The following NKAIN3 variants were observed in gnomAD, a reference collection of about 807,000 sequenced individuals.
The protein encoded by NKAIN3 is sodium/potassium transporting ATPase interacting 3.
NKAIN3 carries 25 observed loss-of-function variants against 30.2 expected under a neutral mutation model. That is an observed-to-expected ratio of 0.83 (90% CI 0.60 to 1.16). The LOEUF is 1.16. Ranked by LOEUF, NKAIN3 falls within the 50% of genes most tolerant of loss-of-function variation. NKAIN3 has a pLI of 0.00. For missense variants in NKAIN3, 225 were observed against 254.1 expected (o/e 0.89, Z 0.78); for synonymous variants, 91 against 89.6 (o/e 1.02, Z -0.09).
intron 1 of NKAIN3, among the ~76,000 whole-genome samples, chr8:62,539,452 C>A (rs1808770933): frequency 6.6e-6 from 1 of 152,056 alleles, no homozygotes; most frequent in Non-Finnish European, 1.5e-5. Flanking sequence ...TTGTTATAGA[C>A]TCTTCCTATA....
intron 3 of NKAIN3, among the ~76,000 whole-genome samples, chr8:62,692,196 C>A (rs1485846256): frequency 6.6e-6 from 1 of 151,968 alleles, no homozygotes; most frequent in Admixed American, 6.6e-5. Context: ...AGAAGCCAGC[C>A]CAGATTCAGG....
chr8:62,272,451 C>G (rs997427861), intron 1 of NKAIN3, among the ~76,000 whole-genome samples: 32 of 152,308 alleles, frequency 2.1e-4, no homozygotes, highest in Non-Finnish European at 1.0e-4. Flanking sequence ...CAGTGAGTCT[C>G]TCTCTGGGTT....
chr8:62,759,261 G>A (rs947383261), intron 4 of NKAIN3, among the ~76,000 whole-genome samples: 1 of 152,012 alleles, frequency 6.6e-6, no homozygotes, highest in Non-Finnish European at 1.5e-5. Flanking sequence ...TCTAAATAAA[G>A]GATTAGTCTT....
intron 3 of NKAIN3, among the ~76,000 whole-genome samples, chr8:62,603,516 T>A (rs1469790995): frequency 3.9e-5 from 6 of 152,072 alleles, no homozygotes; most frequent in Non-Finnish European, 5.9e-5. Context: ...CGGATAAAAT[T>A]TTTCCATGTA....
intron 5 of NKAIN3, among the ~76,000 whole-genome samples, chr8:62,928,053 G>C (rs557524568): frequency 6.6e-6 from 1 of 152,130 alleles, no homozygotes; most frequent in Non-Finnish European, 1.5e-5. Context: ...TCTAGACTAT[G>C]TACTTTACTA....
At chr8:62,504,971 A>T (rs1348139707) in intron 1 of NKAIN3, among the ~76,000 whole-genome samples, 1 of 152,160 alleles carries the variant, frequency 6.6e-6, no homozygotes, top group Non-Finnish European at 1.5e-5. Flanking sequence ...TTTTGTTCCT[A>T]TAACACTTAC....
chr8:62,874,470 G>A (rs1436128953), intron 4 of NKAIN3, among the ~76,000 whole-genome samples: 1 of 152,204 alleles, frequency 6.6e-6, no homozygotes, highest in African/African-American at 2.4e-5. Flanking sequence ...ATTTTATGAA[G>A]CCAGTATCAT....
chr8:62,796,833 C>T (rs1817877956), intron 4 of NKAIN3, among the ~76,000 whole-genome samples: 1 of 136,602 alleles, frequency 7.3e-6, no homozygotes, highest in Non-Finnish European at 1.7e-5. Flanking sequence ...CATGAACACA[C>T]ATTGAGCTTA....
rs80060483 is a variant in NKAIN3 at position 62,472,062 on chromosome 8, C to G, written c.55-107477C>G. On this transcript the variant is annotated intron_variant, in intron 1 of 6. Transcript: ENST00000623646. ...AAAAAAAAGTCTTCAGCTCACTGAA[C>G]TCACTGGGGTGAAAGGGAGCTGGAG... 2.6e-4 allele frequency among the ~76,000 whole-genome samples: 39 copies of G among 149,892 alleles called. No homozygotes were observed. In the East Asian group the frequency reaches 7.1e-3, roughly 27 times the overall value.
At chr8:62,563,263 A>G (rs1809645846) in intron 1 of NKAIN3, among the ~76,000 whole-genome samples, 1 of 152,154 alleles carries the variant, frequency 6.6e-6, no homozygotes. Flanking sequence ...GTTTTGGGAC[A>G]ATTTTTGGCA....
chr8:62,940,645 T>C (rs1229260146), intron 5 of NKAIN3, among the ~76,000 whole-genome samples: 2 of 152,066 alleles, frequency 1.3e-5, no homozygotes, highest in African/African-American at 4.8e-5. Flanking sequence ...ATATAGAAAT[T>C]AAATAATCTG....
At chr8:62,492,724 A>G (rs976009066) in intron 1 of NKAIN3, among the ~76,000 whole-genome samples, 1 of 152,132 alleles carries the variant, frequency 6.6e-6, no homozygotes, top group African/African-American at 2.4e-5. Flanking sequence ...GAAAAACACT[A>G]TCAGCAGTTT....
intron 4 of NKAIN3, among the ~76,000 whole-genome samples, chr8:62,760,382 G>T (rs1030100889): frequency 5.3e-5 from 8 of 152,124 alleles, no homozygotes; most frequent in Admixed American, 3.3e-4. Flanking sequence ...AACTCAAATG[G>T]CCAACAATGA....
intron 4 of NKAIN3, among the ~76,000 whole-genome samples, chr8:62,788,242 A>C (rs1005886654): frequency 2.0e-5 from 3 of 152,186 alleles, no homozygotes; most frequent in African/African-American, 4.8e-5. Flanking sequence ...AACTGGTGTG[A>C]GATGGTATCT....
intron 1 of NKAIN3, among the ~76,000 whole-genome samples, chr8:62,264,597 C>T (rs1332103421): frequency 6.6e-6 from 1 of 152,058 alleles, no homozygotes; most frequent in Non-Finnish European, 1.5e-5. Context: ...TGGTCTGGGC[C>T]TATGGATATA....
Position 62,462,314 on chromosome 8 carries a change from G to A in NKAIN3, c.55-117225G>A, listed in dbSNP as rs531741173. On this transcript the variant is annotated intron_variant, in intron 1 of 6. Transcript: ENST00000623646. ...AAGAATGGAGGCATAAAGATCACTAGCAATTTTTTTGCAAGGTCAAGCAGT... is the reference window on the plus strand; with the variant it reads ...AAGAATGGAGGCATAAAGATCACTAACAATTTTTTTGCAAGGTCAAGCAGT... Among the ~76,000 whole-genome samples the A allele has an allele frequency of 1.9e-4, 29 of 152,246 alleles. 1 individual carries two copies. The South Asian group carries it at 6.0e-3, about 32-fold the overall frequency.
At chr8:62,570,600 G>A (rs1053568652) in intron 1 of NKAIN3, among the ~76,000 whole-genome samples, 4 of 152,052 alleles carry the variant, frequency 2.6e-5, no homozygotes, top group East Asian at 1.9e-4. Flanking sequence ...TCACTATTAC[G>A]AGAACAGCAC....
chr8:62,487,192 C>T (rs996749909), intron 1 of NKAIN3, among the ~76,000 whole-genome samples: 3 of 152,184 alleles, frequency 2.0e-5, no homozygotes, highest in Admixed American at 1.3e-4. Context: ...CCCAGGCACT[C>T]ACTGGCAATG....
At chr8:62,725,901 G>C (rs905617243) in intron 3 of NKAIN3, among the ~76,000 whole-genome samples, 1 of 151,908 alleles carries the variant, frequency 6.6e-6, no homozygotes, top group Non-Finnish European at 1.5e-5. Context: ...TATTTAATAA[G>C]GATTGCATTG....
Sources: allele counts gnomAD v4.1 joint callset (sites outside exome capture counted in the v4.1 genomes callset), GRCh38; gene constraint gnomAD v4.1.1; transcripts MANE v1.5; gene names NCBI Gene and HGNC (gene_info 2026-07-23, HGNC 2026-07-21).